The following MYRFL variants were observed in gnomAD, a reference collection of about 807,000 sequenced individuals.
MYRFL encodes myelin regulatory factor like.
MYRFL carries 88 observed loss-of-function variants against 109.4 expected under a neutral mutation model. The ratio of observed to expected loss-of-function variants is 0.80; its 90% confidence interval spans 0.68 to 0.96. MYRFL has a LOEUF of 0.96. Ranked by LOEUF, MYRFL falls within the 40% of genes least tolerant of loss-of-function variation. The pLI, the probability that MYRFL is intolerant of heterozygous loss-of-function variation, is 0.00. For synonymous variants in MYRFL, 324 were observed against 320.9 expected, an observed-to-expected ratio of 1.01 and a Z score of -0.10; for missense variants, 957 against 954.9, an observed-to-expected ratio of 1.00 and a Z score of -0.03.
intron 1 of MYRFL, among the ~76,000 whole-genome samples, chr12:69,850,592 T>C (rs1236539401): frequency 6.6e-6 from 1 of 152,170 alleles, no homozygotes; most frequent in African/African-American, 2.4e-5. Context: ...TAAAGACGAA[T>C]TCTGAGATAT....
intron 13 of MYRFL, among the ~76,000 whole-genome samples, chr12:69,925,426 T>G (rs59372166): frequency 0.019 from 2,833 of 152,300 alleles, 42 homozygotes; most frequent in Middle Eastern, 0.051. Context: ...TCAGTTTGGA[T>G]GATAAGAATC....
chr12:69,911,532 A>G (rs1267930105), intron 13 of MYRFL, among the ~76,000 whole-genome samples: 2 of 152,294 alleles, frequency 1.3e-5, no homozygotes, highest in Non-Finnish European at 2.9e-5. Context: ...ATTCTTTGAT[A>G]TTCAAATCAT....
intron 5 of MYRFL, among the ~76,000 whole-genome samples, chr12:69,885,317 A>G (rs1391636751): frequency 1.4e-5 from 2 of 145,570 alleles, no homozygotes; most frequent in Admixed American, 6.7e-5. Context: ...CAAGAGAAAT[A>G]CTTTTTTTTT....
intron 14 of MYRFL, 89 bp from the exon 15 acceptor site, chr12:69,927,596 T>A: frequency 2.2e-6 from 2 of 925,200 alleles, no homozygotes; most frequent in Non-Finnish European, 3.2e-6. Context: ...AAGAAAGTCA[T>A]ATTGCTATGT....
At chr12:69,956,063 C>T (rs1047297648) in intron 22 of MYRFL, among the ~76,000 whole-genome samples, 11 of 151,926 alleles carry the variant, frequency 7.2e-5, no homozygotes, top group Non-Finnish European at 1.2e-4. Context: ...TTGCTGAGCA[C>T]AGACTATATG....
intron 1 of MYRFL, 59 bp from the exon 2 acceptor site, chr12:69,855,221 T>C: frequency 1.5e-6 from 1 of 677,322 alleles, no homozygotes; most frequent in South Asian, 1.6e-5. Flanking sequence ...TCAGTGTTTT[T>C]AGCCATTGGC....
Position 69,825,576 on chromosome 12 carries a change from T to C in MYRFL, c.46+13T>C. On this transcript the variant is annotated intron_variant, in intron 1 of 24. Transcript: ENST00000552032. The stretch of plus-strand genomic sequence containing the variant: ...CAGTTCTTTGAAGGTAAGAGGCCAA[T>C]TTCCAGCATGAATTTGCTGCTTCTG... 2 of 701,078 alleles carry C rather than the reference T, an allele frequency of 2.9e-6. No homozygotes were observed. The highest frequency in any genetic ancestry group is 3.0e-5 in the South Asian group (2 of 67,286). The allele number at this position is 701,078 out of a possible 1,614,324, so 43.4% of individuals were successfully genotyped here. A position where few individuals can be genotyped will look rare whatever the true frequency, so the allele number is the denominator to read the frequency against.
intron 10 of MYRFL, 92 bp downstream of exon 10, chr12:69,897,338 A>G: frequency 1.1e-6 from 1 of 886,238 alleles, no homozygotes; most frequent in South Asian, 1.4e-5. Context: ...TGAATATGCT[A>G]TTTCGATGAT....
chr12:69,936,450 C>A lies in MYRFL; in HGVS notation c.2045-3C>A. 1 of 1,534,050 alleles carries A rather than the reference C, an allele frequency of 6.5e-7. No homozygotes were observed. The highest frequency in any genetic ancestry group is 1.2e-5 in the South Asian group (1 of 83,772). On this transcript the variant is annotated splice_polypyrimidine_tract_variant and splice_region_variant and intron_variant, in intron 18 of 24. Coordinates refer to ENST00000552032, the MANE Select transcript of MYRFL (RefSeq NM_182530.3). ...CCCCTCCCCCCTGCCCAATGCCTTGCAGCACCTAATACATCCCTGGTAACC... is the reference window on the plus strand; with the variant it reads ...CCCCTCCCCCCTGCCCAATGCCTTGAAGCACCTAATACATCCCTGGTAACC...
At chr12:69,846,778 C>G (rs1051069829) in intron 1 of MYRFL, among the ~76,000 whole-genome samples, 17 of 151,848 alleles carry the variant, frequency 1.1e-4, no homozygotes, top group Non-Finnish European at 2.5e-4. Flanking sequence ...GCCACACTGA[C>G]TTCCACAAGG....
intron 11 of MYRFL, among the ~76,000 whole-genome samples, chr12:69,908,555 G>A (rs1192965687): frequency 6.6e-6 from 1 of 152,150 alleles, no homozygotes. Context: ...GATCTCAGCT[G>A]GGCTTCATCA....
chr12:69,883,314 C>A (rs1319142944), intron 5 of MYRFL, among the ~76,000 whole-genome samples: 1 of 152,166 alleles, frequency 6.6e-6, no homozygotes, highest in Non-Finnish European at 1.5e-5. Flanking sequence ...GCATGTCCTG[C>A]AACCCATAGA....
At chr12:69,903,442 G>A (rs1205733380) in intron 10 of MYRFL, among the ~76,000 whole-genome samples, 2 of 152,090 alleles carry the variant, frequency 1.3e-5, no homozygotes, top group African/African-American at 4.8e-5. Context: ...CCTGCTAGCG[G>A]GGAGGCAGAG....
intron 5 of MYRFL, among the ~76,000 whole-genome samples, chr12:69,886,331 T>C (rs1886447330): frequency 6.6e-6 from 1 of 152,166 alleles, no homozygotes; most frequent in South Asian, 2.1e-4. Context: ...CCAGCAGCTG[T>C]TGGCGATGTA....
chr12:69,922,357 A>G (rs10161099), intron 13 of MYRFL, among the ~76,000 whole-genome samples: 17,880 of 152,182 alleles, frequency 0.12, 1,436 homozygotes, highest in African/African-American at 0.23. Flanking sequence ...ACAAATTTAG[A>G]AGTAAAGGAA....
At chr12:69,881,883 C>G (rs1592749897) in intron 5 of MYRFL, among the ~76,000 whole-genome samples, 1 of 152,114 alleles carries the variant, frequency 6.6e-6, no homozygotes, top group Non-Finnish European at 1.5e-5. Context: ...TAGCCTGTAG[C>G]TTTTTTTATG....
intron 1 of MYRFL, among the ~76,000 whole-genome samples, chr12:69,829,729 C>T (rs1053467747): frequency 6.6e-6 from 1 of 152,072 alleles, no homozygotes; most frequent in Admixed American, 6.6e-5. Context: ...TGATAGAATG[C>T]CTCAGATTCC....
In MYRFL at chr12:69,842,812, C is replaced by T. The variant is rs1292136239; in HGVS notation, c.47-12468C>T. Among the ~76,000 whole-genome samples, 6 of 152,272 alleles carry T rather than the reference C, an allele frequency of 3.9e-5. No homozygotes were observed. In the East Asian group the frequency reaches 1.2e-3, roughly 29 times the overall value. ...CACTGATAGGAAGTCCTTGGCTCACCCCAGGCCAGCCTAATTAAAAGGCTT... is the reference window on the plus strand; with the variant it reads ...CACTGATAGGAAGTCCTTGGCTCACTCCAGGCCAGCCTAATTAAAAGGCTT... On this transcript the variant is annotated intron_variant, in intron 1 of 24. Transcript: ENST00000552032.
intron 9 of MYRFL, among the ~76,000 whole-genome samples, chr12:69,896,909 G>A (rs539454191): frequency 6.6e-6 from 1 of 152,274 alleles, no homozygotes; most frequent in Admixed American, 6.5e-5. Flanking sequence ...GCTCTTTTGG[G>A]GCATGTAAAA....
Sources: gnomAD v4.1 joint callset for allele counts (sites outside exome capture counted in the v4.1 genomes callset) on GRCh38, gnomAD v4.1.1 for gene constraint, MANE v1.5 for transcripts, NCBI Gene and HGNC (gene_info 2026-07-23, HGNC 2026-07-21) for gene names.